The following ERG variants were observed in gnomAD, a reference collection of about 807,000 sequenced individuals.
The protein encoded by ERG is ETS transcription factor ERG.
A neutral mutation model predicts 55.3 loss-of-function variants in ERG; 9 were observed. That is an observed-to-expected ratio of 0.16 (90% CI 0.10 to 0.28). The LOEUF is 0.28. Ranked by LOEUF, ERG falls within the 10% of genes least tolerant of loss-of-function variation. The pLI is 1.00. For missense variants in ERG, 434 were observed against 631.6 expected (o/e 0.69, Z 3.35); for synonymous variants, 223 against 237.3 (o/e 0.94, Z 0.55).
chr21:38,600,304 T>C (rs2060157033), intron 1 of ERG, among the ~76,000 whole-genome samples: 1 of 152,192 alleles, frequency 6.6e-6, no homozygotes. Flanking sequence ...AGTATTTGCC[T>C]GCAGGCCAGT....
At chr21:38,587,185 C>G (rs2060070907), upstream of ERG, among the ~76,000 whole-genome samples, 1 of 152,092 alleles carries the variant, frequency 6.6e-6, no homozygotes, top group East Asian at 1.9e-4. Context: ...AAGGAATAAT[C>G]ATTTTATAAT....
At chr21:38,498,879 G>A (rs1019927959), upstream of ERG, among the ~76,000 whole-genome samples, 1 of 152,154 alleles carries the variant, frequency 6.6e-6, no homozygotes, top group African/African-American at 2.4e-5. This position sits in a 1 kb window ranked among gnomAD's most constrained non-coding sequence, Gnocchi z 4.6. Flanking sequence ...CTAGGACAGA[G>A]GACTTGAGCT....
intron 2 of ERG, among the ~76,000 whole-genome samples, chr21:38,563,350 C>T (rs2030602369): frequency 6.6e-6 from 1 of 152,134 alleles, no homozygotes; most frequent in African/African-American, 2.4e-5. Context: ...CGTCAGCCAC[C>T]CATGTGGGAA....
At chr21:38,392,771 T>C (rs972334736) in intron 6 of ERG, among the ~76,000 whole-genome samples, 52 of 152,342 alleles carry the variant, frequency 3.4e-4, no homozygotes, top group African/African-American at 1.3e-3. Context: ...CCACTGGGAC[T>C]GATCTACATC....
intron 1 of ERG, among the ~76,000 whole-genome samples, chr21:38,623,810 G>A (rs2060308163): frequency 6.6e-6 from 1 of 152,140 alleles, no homozygotes; most frequent in Admixed American, 6.5e-5. Context: ...TTGACCCATG[G>A]GGAGCATCAT....
At chr21:38,541,068 T>C (rs1402073772) in intron 2 of ERG, among the ~76,000 whole-genome samples, 7 of 152,132 alleles carry the variant, frequency 4.6e-5, no homozygotes, top group Non-Finnish European at 1.5e-5. Context: ...TGACCACAAC[T>C]TGGAGTGGAA....
At chr21:38,579,892 C>T (rs962525008) in intron 1 of ERG, among the ~76,000 whole-genome samples, 32 of 151,704 alleles carry the variant, frequency 2.1e-4, no homozygotes, top group Non-Finnish European at 4.6e-4. Context: ...ACGATCTCGG[C>T]TCACTGCAAC....
intron 1 of ERG, chr21:38,575,897 G>A (rs1311679332): frequency 3.2e-6 from 2 of 634,306 alleles, no homozygotes; most frequent in East Asian, 5.6e-5. Flanking sequence ...CTAGGTACGT[G>A]TGGTCCATGA....
At chr21:38,425,177 A>G (rs746902096) in intron 2 of ERG, among the ~76,000 whole-genome samples, 2 of 152,224 alleles carry the variant, frequency 1.3e-5, no homozygotes, top group African/African-American at 4.8e-5. Context: ...TGAGGTCAGG[A>G]GTTCAAGACC....
chr21:38,542,045 C>T (rs538008017), intron 2 of ERG, among the ~76,000 whole-genome samples: 1 of 152,288 alleles, frequency 6.6e-6, no homozygotes, highest in South Asian at 2.1e-4. Context: ...GAGTCTCGCT[C>T]TGTTGCCCAG....
chr21:38,482,968 T>C (rs899826088), intron 1 of ERG, among the ~76,000 whole-genome samples: 2 of 152,160 alleles, frequency 1.3e-5, no homozygotes, highest in Admixed American at 6.6e-5. Context: ...GTAGCCACCA[T>C]GCCCGGCCCA....
intron 2 of ERG, among the ~76,000 whole-genome samples, chr21:38,429,345 C>T (rs777151860): frequency 1.3e-5 from 2 of 150,160 alleles, no homozygotes; most frequent in Non-Finnish European, 1.5e-5. Flanking sequence ...TCTACATATG[C>T]ACACATATAC....
chr21:38,600,943 G>A (rs2060161094), intron 1 of ERG, among the ~76,000 whole-genome samples: 1 of 152,064 alleles, frequency 6.6e-6, no homozygotes, highest in South Asian at 2.1e-4. Context: ...ACCCCCCCTG[G>A]AAATCTCTGG....
intron 1 of ERG, among the ~76,000 whole-genome samples, chr21:38,612,164 G>A (rs1466694031): frequency 1.3e-5 from 2 of 152,106 alleles, no homozygotes; most frequent in East Asian, 1.9e-4. Flanking sequence ...AATGTGACGC[G>A]TTCCAGTTCA....
chr21:38,583,243 A>C (rs929239070), intron 1 of ERG, among the ~76,000 whole-genome samples: 9 of 152,232 alleles, frequency 5.9e-5, no homozygotes, highest in Non-Finnish European at 1.0e-4. Flanking sequence ...CAGGCCCCTG[A>C]CTGGGGCAGA....
intron 3 of ERG, among the ~76,000 whole-genome samples, chr21:38,419,409 T>C (rs1424112553): frequency 1.3e-5 from 2 of 152,244 alleles, no homozygotes; most frequent in Admixed American, 1.3e-4. Context: ...TTTTATCCTG[T>C]AGGCACTGAA....
intron 1 of ERG, among the ~76,000 whole-genome samples, chr21:38,597,266 T>C (rs981415798): frequency 6.6e-6 from 1 of 152,184 alleles, no homozygotes; most frequent in African/African-American, 2.4e-5. Context: ...TATGGATCAA[T>C]ATAATGAGAT....
intron 1 of ERG, among the ~76,000 whole-genome samples, chr21:38,448,792 A>G (rs1437426524): frequency 1.3e-5 from 2 of 152,196 alleles, no homozygotes; most frequent in African/African-American, 4.8e-5. Context: ...ACGCTGCTGC[A>G]TAGGGCCCTC....
intron 3 of ERG, 86 bp downstream of exon 3, chr21:38,423,324 G>C: frequency 7.1e-7 from 1 of 1,406,232 alleles, no homozygotes; most frequent in African/African-American, 1.4e-5. Context: ...CAATGCCACA[G>C]GTGGGGGAGA....
Sources: allele counts gnomAD v4.1 joint callset (sites outside exome capture counted in the v4.1 genomes callset), GRCh38; gene constraint gnomAD v4.1.1; non-coding constraint Gnocchi (gnomAD v3.1); transcripts MANE v1.5; gene names NCBI Gene and HGNC (gene_info 2026-07-23, HGNC 2026-07-21).